EYS: variants seen among roughly 807,000 people sequenced by gnomAD.
EYS encodes EGF-like photoreceptor maintenance factor.
Under a neutral mutation model 282.1 loss-of-function variants are expected in EYS, and 250 were observed. That is an observed-to-expected ratio of 0.89 (90% confidence interval 0.80 to 0.98). The LOEUF is 0.98. Among genes scored for constraint, EYS ranks in the 50% least tolerant of loss-of-function variants. The probability of loss-of-function intolerance (pLI) is 0.00; values close to 1 mark genes in which losing one functional copy is unlikely to be tolerated. For missense variants in EYS, 4,016 were observed against 3,709.0 expected (o/e 1.08, Z -2.15); for synonymous variants, 1,355 against 1,282.9 (o/e 1.06, Z -1.20).
intron 26 of EYS, among the ~76,000 whole-genome samples, chr6:64,541,945 C>A (rs1209356243): frequency 6.6e-6 from 1 of 152,096 alleles, no homozygotes; most frequent in Non-Finnish European, 1.5e-5. Flanking sequence ...GAAAGAAAGA[C>A]CTTTGCATTT....
chr6:64,598,462 A>AAAAC lies in EYS; in HGVS notation c.3685-5157_3685-5154dup, dbSNP rs558580427. Among the ~76,000 whole-genome samples the AAAAC allele has an allele frequency of 1.6e-4, 24 of 152,346 alleles. No individual in the cohort carries two copies. In the East Asian group the frequency reaches 1.9e-3, roughly 12 times the overall value. ...GGCGACAGTGCGAGACTCCGTCTCA[A>AAAAC]AAACAAACAAACAAACAAACAAAAA... On this transcript the variant is annotated intron_variant, in intron 24 of 42. Coordinates refer to ENST00000503581, the MANE Select transcript of EYS (RefSeq NM_001142800.2).
intron 39 of EYS, among the ~76,000 whole-genome samples, chr6:63,781,737 T>G (rs569897867): frequency 6.6e-6 from 1 of 152,214 alleles, no homozygotes; most frequent in Non-Finnish European, 1.5e-5. Flanking sequence ...TGAATTCCCT[T>G]TCTTTCTTCC....
chr6:65,443,577 T>A (rs1349774091), intron 5 of EYS, among the ~76,000 whole-genome samples: 1 of 151,714 alleles, frequency 6.6e-6, no homozygotes, highest in Non-Finnish European at 1.5e-5. Context: ...CACATATGTG[T>A]ATATACACAT....
intron 12 of EYS, among the ~76,000 whole-genome samples, chr6:65,123,760 A>G (rs866926678): frequency 7.5e-6 from 1 of 132,972 alleles, no homozygotes; most frequent in East Asian, 2.0e-4. Flanking sequence ...CCACCCACCC[A>G]CACACACACA....
At chr6:63,804,449 C>CA (rs1770854036) in intron 37 of EYS, among the ~76,000 whole-genome samples, 1 of 152,182 alleles carries the variant, frequency 6.6e-6, no homozygotes, top group Middle Eastern at 3.2e-3. Context: ...AGTAACTTGA[C>CA]ACATAATTTG....
intron 31 of EYS, among the ~76,000 whole-genome samples, chr6:64,095,037 G>A (rs1023818778): frequency 6.6e-6 from 1 of 152,166 alleles, no homozygotes; most frequent in African/African-American, 2.4e-5. Context: ...GGAGCAGGTT[G>A]TTCAGTTTCC....
At chr6:64,011,302 T>C (rs1174700543) in intron 33 of EYS, among the ~76,000 whole-genome samples, 4 of 152,158 alleles carry the variant, frequency 2.6e-5, no homozygotes, top group Non-Finnish European at 5.9e-5. Flanking sequence ...CCCCATTTTC[T>C]TTTTTTATTA....
intron 16 of EYS, among the ~76,000 whole-genome samples, chr6:64,907,726 G>C (rs371053372): frequency 4.0e-5 from 6 of 151,798 alleles, no homozygotes; most frequent in African/African-American, 9.7e-5. Context: ...CTAAAGAAGG[G>C]GTCTGAATGC....
intron 2 of EYS, among the ~76,000 whole-genome samples, chr6:65,634,075 C>G (rs1767008211): frequency 6.6e-6 from 1 of 152,224 alleles, no homozygotes; most frequent in Non-Finnish European, 1.5e-5. Context: ...ACAGACTTGA[C>G]TGGCTTGGCT....
At chr6:65,081,931 C>T (rs1195930940) in intron 12 of EYS, among the ~76,000 whole-genome samples, 1 of 152,014 alleles carries the variant, frequency 6.6e-6, no homozygotes, top group Non-Finnish European at 1.5e-5. Flanking sequence ...TGTGGGAATA[C>T]CATGACTGAT....
intron 35 of EYS, among the ~76,000 whole-genome samples, chr6:63,948,920 T>A (rs1436016269): frequency 2.0e-5 from 3 of 152,182 alleles, no homozygotes; most frequent in East Asian, 1.9e-4. Flanking sequence ...ATCTATATAT[T>A]ATCTTCTACT....
At chr6:64,402,664 C>G (rs141290218) in intron 28 of EYS, among the ~76,000 whole-genome samples, 1 of 152,110 alleles carries the variant, frequency 6.6e-6, no homozygotes, top group Admixed American at 6.5e-5. Context: ...CTAACATTGA[C>G]AGGCAATTGA....
chr6:64,365,880 T>C (rs376944177), intron 29 of EYS, among the ~76,000 whole-genome samples: 1 of 152,104 alleles, frequency 6.6e-6, no homozygotes, highest in East Asian at 1.9e-4. Context: ...AGCCATGGAA[T>C]TTGAAACTGC....
chr6:64,622,155 A>G (rs752780678), intron 23 of EYS, among the ~76,000 whole-genome samples: 4 of 152,108 alleles, frequency 2.6e-5, no homozygotes, highest in African/African-American at 4.8e-5. Context: ...TGCAAAGAGG[A>G]TGAGTGAGGT....
At chr6:64,169,940 T>C (rs2150306135) in intron 31 of EYS, among the ~76,000 whole-genome samples, 1 of 152,260 alleles carries the variant, frequency 6.6e-6, no homozygotes, top group African/African-American at 2.4e-5. Context: ...TAACACTGGG[T>C]ATTTAAACCC....
intron 35 of EYS, among the ~76,000 whole-genome samples, chr6:63,893,393 G>C (rs547222651): frequency 1.3e-5 from 2 of 151,986 alleles, no homozygotes; most frequent in South Asian, 4.2e-4. Context: ...ATACTATGCA[G>C]CCATAAAAAA....
At chr6:65,597,709 C>T (rs894368206) in intron 2 of EYS, among the ~76,000 whole-genome samples, 2 of 152,128 alleles carry the variant, frequency 1.3e-5, no homozygotes, top group Non-Finnish European at 1.5e-5. Flanking sequence ...GTCATGACTG[C>T]GGCTAATATC....
intron 29 of EYS, among the ~76,000 whole-genome samples, chr6:64,352,351 A>G (rs1197467773): frequency 1.3e-5 from 2 of 151,546 alleles, no homozygotes; most frequent in Non-Finnish European, 3.0e-5. Flanking sequence ...TAGTAAGTTA[A>G]TATACGCAAA....
intron 22 of EYS, among the ~76,000 whole-genome samples, chr6:64,699,966 T>C (rs1770723264): frequency 6.6e-6 from 1 of 152,006 alleles, no homozygotes; most frequent in Non-Finnish European, 1.5e-5. Flanking sequence ...CTGATAAATA[T>C]AGGTGTAAAA....
Sources: gnomAD v4.1 joint callset for allele counts (sites outside exome capture counted in the v4.1 genomes callset) on GRCh38, gnomAD v4.1.1 for gene constraint, MANE v1.5 for transcripts, NCBI Gene and HGNC (gene_info 2026-07-23, HGNC 2026-07-21) for gene names.